Variants in ACTR3C observed in about 807,000 individuals in gnomAD.
ACTR3C encodes actin related protein 3C, also known as actin-related protein 3C.
In ACTR3C, 18 loss-of-function variants were observed where a neutral mutation model predicts 26.3. The ratio of observed to expected loss-of-function variants is 0.68; its 90% CI spans 0.47 to 1.01. The LOEUF (loss-of-function observed/expected upper bound fraction) is 1.01, where lower values mean the gene tolerates loss of function less well. Among genes scored for constraint, ACTR3C ranks in the 50% least tolerant of loss-of-function variants. ACTR3C has a pLI of 0.00. For missense variants in ACTR3C, 184 were observed against 250.7 expected, an observed-to-expected ratio of 0.73 and a Z score of 1.80; for synonymous variants, 55 against 94.5, an observed-to-expected ratio of 0.58 and a Z score of 2.42.
chr7:150,169,648 T>G, the ACTR3C span, among the ~76,000 whole-genome samples: 2 of 150,700 alleles, frequency 1.3e-5, no homozygotes, highest in African/African-American at 5.0e-5. Flanking sequence ...CTGAGTCAGC[T>G]TGCTAGAAGG....
the ACTR3C span, among the ~76,000 whole-genome samples, chr7:149,959,345 A>G: frequency 8.6e-5 from 13 of 151,924 alleles, no homozygotes; most frequent in African/African-American, 2.7e-4. Context: ...GTGTGTATTA[A>G]TATTTCTCAC....
At chr7:149,998,154 T>A in the ACTR3C span, among the ~76,000 whole-genome samples, 1 of 150,798 alleles carries the variant, frequency 6.6e-6, no homozygotes, top group African/African-American at 2.4e-5. Flanking sequence ...ATGGGGCACA[T>A]CACCCTGTGG....
chr7:149,993,130 GC>G, the ACTR3C span, among the ~76,000 whole-genome samples: 2 of 149,334 alleles, frequency 1.3e-5, no homozygotes, highest in Non-Finnish European at 3.0e-5. Flanking sequence ...ATGGGATGGT[GC>G]CCACCCACAC....
chr7:150,004,371 G>A, the ACTR3C span: 1 of 152,038 alleles, frequency 6.6e-6, no homozygotes, highest in Admixed American at 6.6e-5. Context: ...TCTTGCACAA[G>A]GTGATGCAAG....
At chr7:150,060,158 G>A in the ACTR3C span, among the ~76,000 whole-genome samples, 3 of 152,120 alleles carry the variant, frequency 2.0e-5, no homozygotes, top group African/African-American at 7.2e-5. Flanking sequence ...ATATTTACCA[G>A]CCTTGTTTAT....
At chr7:150,308,691 C>T (rs1477381264) in intron 1 of ACTR3C, among the ~76,000 whole-genome samples, 1 of 152,076 alleles carries the variant, frequency 6.6e-6, no homozygotes, top group Non-Finnish European at 1.5e-5. Context: ...GTCCCAATTC[C>T]TCCTCAGCCT....
intron 1 of ACTR3C, among the ~76,000 whole-genome samples, chr7:150,314,517 C>T (rs1796635953): frequency 6.6e-6 from 1 of 152,064 alleles, no homozygotes; most frequent in African/African-American, 2.4e-5. Flanking sequence ...CTATTTATTT[C>T]TCTGAAAAAG....
intron 1 of ACTR3C, among the ~76,000 whole-genome samples, chr7:150,312,171 T>C (rs1452238401): frequency 2.6e-5 from 4 of 152,220 alleles, no homozygotes; most frequent in African/African-American, 9.7e-5. Flanking sequence ...AGAAGGCCAG[T>C]ATTTTTCTTT....
At position 150,249,055 on chromosome 7, in the gene ACTR3C, C is replaced by T. The variant is rs1360067870; in HGVS notation, c.565-1G>A. On this transcript the variant is annotated splice_acceptor_variant, in intron 6 of 7. Transcript: ENST00000683684. LOFTEE classifies it high-confidence loss of function. ...GATAGCTCAGTGGAATTTGTTCCAT[C>T]TGAAAAACAGAGAAAACAGTTATAG... 8 of 670,970 alleles carry T rather than the reference C, an allele frequency of 1.2e-5. No individual in the cohort carries two copies. The highest frequency in any genetic ancestry group is 4.9e-5 in the South Asian group (3 of 61,190). 41.6% of individuals were successfully genotyped at this position (670,970 alleles called of 1,614,324 possible).
chr7:150,235,962 A>T, the ACTR3C span, among the ~76,000 whole-genome samples: 1 of 151,144 alleles, frequency 6.6e-6, no homozygotes, highest in Admixed American at 6.6e-5. Context: ...GCAGGCTGCA[A>T]GACACTAAAA....
the ACTR3C span, among the ~76,000 whole-genome samples, chr7:150,048,725 A>AC: frequency 6.6e-6 from 1 of 151,858 alleles, no homozygotes; most frequent in Non-Finnish European, 1.5e-5. Context: ...CACCAGAGAC[A>AC]CCCCGAGGAC....
chr7:150,129,005 G>A, the ACTR3C span, among the ~76,000 whole-genome samples: 1 of 150,900 alleles, frequency 6.6e-6, no homozygotes, highest in Non-Finnish European at 1.5e-5. Context: ...AAAGCTAGAC[G>A]TTATGGAGCA....
chr7:150,103,382 C>T, the ACTR3C span, among the ~76,000 whole-genome samples: 2 of 152,136 alleles, frequency 1.3e-5, no homozygotes, highest in African/African-American at 4.8e-5. Flanking sequence ...AAAGTTTGAG[C>T]TCTTCTGAGC....
At chr7:150,161,113 A>G in the ACTR3C span, among the ~76,000 whole-genome samples, 126 of 150,230 alleles carry the variant, frequency 8.4e-4, 1 homozygote, top group East Asian at 0.019. Flanking sequence ...TGATCATGAA[A>G]AATGGTCCTG....
At chr7:150,113,277 C>T in the ACTR3C span, among the ~76,000 whole-genome samples, 10 of 151,798 alleles carry the variant, frequency 6.6e-5, no homozygotes, top group South Asian at 2.1e-3. Flanking sequence ...TGAATTCATT[C>T]CTTCCCACTT....
At chr7:150,186,460 A>G in the ACTR3C span, among the ~76,000 whole-genome samples, 265 of 152,302 alleles carry the variant, frequency 1.7e-3, 2 homozygotes, top group African/African-American at 6.0e-3. Flanking sequence ...TTTGTGTTAT[A>G]ATCCAAATGG....
chr7:150,171,642 T>C, the ACTR3C span, among the ~76,000 whole-genome samples: 1 of 150,192 alleles, frequency 6.7e-6, no homozygotes, highest in Non-Finnish European at 1.5e-5. Context: ...AGGGTGGAAA[T>C]TAATAAACTA....
At chr7:149,913,900 T>G in the ACTR3C span, among the ~76,000 whole-genome samples, 204 of 149,040 alleles carry the variant, frequency 1.4e-3, 5 homozygotes, top group East Asian at 0.017. Context: ...TTTTTTTTTT[T>G]TTTTTGAGAC....
At chr7:150,150,028 C>T in the ACTR3C span, among the ~76,000 whole-genome samples, 5 of 152,106 alleles carry the variant, frequency 3.3e-5, no homozygotes, top group African/African-American at 1.2e-4. Flanking sequence ...GCCTGGTGAC[C>T]AACTCTTCTT....
Sources: gnomAD v4.1 joint callset for allele counts (sites outside exome capture counted in the v4.1 genomes callset) on GRCh38, gnomAD v4.1.1 for gene constraint, MANE v1.5 for transcripts, NCBI Gene and HGNC (gene_info 2026-07-23, HGNC 2026-07-21) for gene names.